SIPA1L3: variants seen among roughly 807,000 people sequenced by gnomAD.
SIPA1L3 encodes the protein signal induced proliferation associated 1 like 3.
SIPA1L3 carries 59 observed loss-of-function variants against 150.1 expected under a neutral mutation model. The observed-to-expected ratio is 0.39, with a 90% confidence interval of 0.32 to 0.49. SIPA1L3 has a LOEUF of 0.49. Ranked by LOEUF, SIPA1L3 falls within the 20% of genes least tolerant of loss-of-function variation. The pLI, the probability that SIPA1L3 is intolerant of heterozygous loss-of-function variation, is 0.86. For missense variants in SIPA1L3, 2,211 were observed against 2,489.5 expected, an observed-to-expected ratio of 0.89 and a Z score of 2.38; for synonymous variants, 1,070 against 1,077.6, an observed-to-expected ratio of 0.99 and a Z score of 0.14.
At chr19:38,027,554 A>C (rs1258817021) in intron 1 of SIPA1L3, among the ~76,000 whole-genome samples, 6 of 151,966 alleles carry the variant, frequency 3.9e-5, no homozygotes, top group Non-Finnish European at 7.4e-5. Flanking sequence ...GGTATTGGGG[A>C]AGTGGAGCAG....
At chr19:38,036,491 C>T (rs891018527) in intron 2 of SIPA1L3, among the ~76,000 whole-genome samples, 4 of 152,202 alleles carry the variant, frequency 2.6e-5, no homozygotes, top group Admixed American at 2.6e-4. Flanking sequence ...ATTTCATCTG[C>T]CCCCTCAGGA....
In SIPA1L3 at chr19:38,142,565, CCTT is replaced by C. The variant is rs760931598; in HGVS notation, c.3396-5_3396-3del. On this transcript the variant is annotated splice_polypyrimidine_tract_variant and splice_region_variant and intron_variant, in intron 11 of 21. Transcript: ENST00000222345. ...CCTCTGCCTCCTTCCTCCCCTGTCT[CCTT>C]CTAGGCCTGTCAGCTTCCCAGAAAC... The C allele has an allele frequency of 3.4e-5, 55 of 1,600,756 alleles. No homozygotes were observed. Among genetic ancestry groups the C allele is most frequent in the East Asian group, 6.8e-5 (3 of 44,420 alleles).
chr19:38,088,984 T>C (rs774714325), intron 4 of SIPA1L3, 133 bp downstream of exon 4: 6 of 917,820 alleles, frequency 6.5e-6, no homozygotes, highest in Non-Finnish European at 8.2e-6. Context: ...GCAATCCTGT[T>C]AGTCTCTCCA....
chr19:38,035,675 C>G (rs1968764362), intron 2 of SIPA1L3, among the ~76,000 whole-genome samples: 2 of 151,906 alleles, frequency 1.3e-5, no homozygotes, highest in African/African-American at 4.8e-5. Context: ...ATTTCAAGTA[C>G]CTAGGACAGT....
At position 37,970,406 on chromosome 19, in the gene SIPA1L3, G is replaced by A. The variant is rs531352604; in HGVS notation, c.-378-58683G>A. 1.1e-4 allele frequency among the ~76,000 whole-genome samples: 17 copies of A among 152,262 alleles called. No homozygotes were observed. In the East Asian group the frequency reaches 3.3e-3, roughly 29 times the overall value. On this transcript the variant is annotated intron_variant, in intron 1 of 21. Coordinates refer to ENST00000222345, the MANE Select transcript of SIPA1L3 (RefSeq NM_015073.3). ...CTCTTAGTCATCTCCTATCTGAAGA[G>A]GCCAGGACAGGCATTTTAATACTTG... is the stretch of plus-strand genomic sequence containing the variant.
chr19:38,173,713 C>T (rs531579702), intron 15 of SIPA1L3: 4 of 152,442 alleles, frequency 2.6e-5, no homozygotes, highest in Admixed American at 1.3e-4. Context: ...CCCACCCTGC[C>T]TGTGAGTGTT....
intron 2 of SIPA1L3, among the ~76,000 whole-genome samples, chr19:38,041,053 G>A (rs1315609180): frequency 2.6e-5 from 4 of 151,156 alleles, no homozygotes; most frequent in South Asian, 4.2e-4. Flanking sequence ...GTGAGCCACC[G>A]TGTCCGGCCC....
intron 1 of SIPA1L3, among the ~76,000 whole-genome samples, chr19:38,002,572 A>C (rs1177489583): frequency 2.0e-5 from 3 of 151,748 alleles, no homozygotes; most frequent in Non-Finnish European, 4.4e-5. Flanking sequence ...GTCGGTACTA[A>C]AAATACAAAA....
At chr19:37,915,717 G>GT (rs1233874945) in intron 1 of SIPA1L3, among the ~76,000 whole-genome samples, 2 of 152,288 alleles carry the variant, frequency 1.3e-5, no homozygotes, top group African/African-American at 4.8e-5. Flanking sequence ...CATGTGGGCT[G>GT]TTAAAGTATC....
chr19:38,160,158 T>A lies in SIPA1L3; in HGVS notation c.3662-2095T>A, dbSNP rs549412829. On this transcript the variant is annotated intron_variant, in intron 13 of 21. Coordinates refer to ENST00000222345, the MANE Select transcript of SIPA1L3 (RefSeq NM_015073.3). ...TCCCGAGTAGCTGGGACTACAGGCA[T>A]GTGCCATCACACCCAGCTAATTTTT... Among the ~76,000 whole-genome samples, 19 of 151,498 alleles carry A rather than the reference T, an allele frequency of 1.3e-4. No individual in the cohort carries two copies. The East Asian group carries it at 3.7e-3, about 30-fold the overall frequency.
chr19:38,066,831 A>T (rs557337687), intron 2 of SIPA1L3, among the ~76,000 whole-genome samples: 11 of 152,108 alleles, frequency 7.2e-5, no homozygotes, highest in Non-Finnish European at 1.3e-4. Flanking sequence ...ATCTCAAAAA[A>T]GTAAAAATAA....
At chr19:37,966,345 G>A (rs2046904212) in intron 1 of SIPA1L3, among the ~76,000 whole-genome samples, 1 of 152,200 alleles carries the variant, frequency 6.6e-6, no homozygotes, top group South Asian at 2.1e-4. Flanking sequence ...ATGCTTTGCA[G>A]TGACTTGCTC....
chr19:37,939,759 T>G (rs1332361208), intron 1 of SIPA1L3, among the ~76,000 whole-genome samples: 2 of 152,234 alleles, frequency 1.3e-5, no homozygotes, highest in Admixed American at 6.5e-5. Context: ...GTAGTTTTAT[T>G]TCCCATGGCC....
chr19:37,959,832 TTA>T (rs2046841847), intron 1 of SIPA1L3, among the ~76,000 whole-genome samples: 1 of 151,556 alleles, frequency 6.6e-6, no homozygotes, highest in Non-Finnish European at 1.5e-5. Flanking sequence ...TTTTTTTTTT[TTA>T]ATTGGGTCTC....
intron 1 of SIPA1L3, among the ~76,000 whole-genome samples, chr19:37,983,703 C>T (rs767150867): frequency 2.6e-4 from 39 of 151,928 alleles, no homozygotes; most frequent in African/African-American, 7.5e-4. Flanking sequence ...CTTAGGAGTT[C>T]GAGACCATCC....
intron 16 of SIPA1L3, among the ~76,000 whole-genome samples, chr19:38,188,641 G>A (rs949073636): frequency 5.3e-5 from 8 of 151,630 alleles, no homozygotes; most frequent in South Asian, 2.1e-4. Context: ...TAAGCCTCTC[G>A]GCCAGGCGCG....
At chr19:38,198,716 A>G (rs1973022159) in intron 19 of SIPA1L3, among the ~76,000 whole-genome samples, 184 bp downstream of exon 19, 1 of 152,214 alleles carries the variant, frequency 6.6e-6, no homozygotes, top group Non-Finnish European at 1.5e-5. Context: ...CATCTCTTTG[A>G]TGCCAGCGAA....
In SIPA1L3 at chr19:38,207,362, G is replaced by C. The variant is rs1255594776; in HGVS notation, c.*1122G>C. ...AATAAGGGGCGGCCATGCCGGTGTGGTACCACGCTGTTCCTCCAGGAAACC... is the reference window on the plus strand; with the variant it reads ...AATAAGGGGCGGCCATGCCGGTGTGCTACCACGCTGTTCCTCCAGGAAACC... On this transcript the variant is annotated 3_prime_UTR_variant, in exon 22 of 22. Coordinates refer to ENST00000222345, the MANE Select transcript of SIPA1L3 (RefSeq NM_015073.3). 6.6e-6 allele frequency: 1 copy of C among 151,090 alleles called. No homozygotes were observed. Among genetic ancestry groups the C allele is most frequent in the African/African-American group, 2.4e-5 (1 of 41,064 alleles). The allele number at this position is 151,090 out of a possible 1,614,324, so 9.4% of individuals were successfully genotyped here.
intron 1 of SIPA1L3, among the ~76,000 whole-genome samples, chr19:37,949,999 C>T (rs2046747785): frequency 6.6e-6 from 1 of 151,196 alleles, no homozygotes; most frequent in Non-Finnish European, 1.5e-5. Flanking sequence ...ATCGCTTGAA[C>T]CCGGGAGGCA....
Sources: gnomAD v4.1 joint callset for allele counts (sites outside exome capture counted in the v4.1 genomes callset) on GRCh38, gnomAD v4.1.1 for gene constraint, MANE v1.5 for transcripts, NCBI Gene and HGNC (gene_info 2026-07-23, HGNC 2026-07-21) for gene names.